C1QTNF3: variants seen among roughly 807,000 people sequenced by gnomAD.
The protein encoded by C1QTNF3 is C1q and TNF related 3.
C1QTNF3 carries 26 observed loss-of-function variants against 32.6 expected under a neutral mutation model. That is an observed-to-expected ratio of 0.80 (90% CI 0.58 to 1.11). The LOEUF is 1.11. Ranked by LOEUF, C1QTNF3 falls within the 50% of genes least tolerant of loss-of-function variation. The probability of loss-of-function intolerance (pLI) is 0.00; values close to 1 mark genes in which losing one functional copy is unlikely to be tolerated. For missense variants in C1QTNF3, 362 were observed against 398.2 expected (o/e 0.91, Z 0.77); for synonymous variants, 155 against 146.0 (o/e 1.06, Z -0.44).
the C1QTNF3 span, among the ~76,000 whole-genome samples, chr5:34,239,050 C>G: frequency 4.6e-5 from 7 of 152,184 alleles, no homozygotes; most frequent in Middle Eastern, 3.4e-3. Flanking sequence ...ACTAAACTTC[C>G]TAAGTGAAGA....
At chr5:34,026,327 G>A (rs1191551987) in intron 4 of C1QTNF3, among the ~76,000 whole-genome samples, 1 of 152,052 alleles carries the variant, frequency 6.6e-6, no homozygotes, top group African/African-American at 2.4e-5. Context: ...ACGTGGAAGA[G>A]CAATGCTGAA....
At chr5:34,132,092 G>C in the C1QTNF3 span, among the ~76,000 whole-genome samples, 2 of 152,048 alleles carry the variant, frequency 1.3e-5, no homozygotes, top group Non-Finnish European at 2.9e-5. Context: ...TGAATATTAA[G>C]AATAGTGTAG....
the C1QTNF3 span, chr5:34,190,618 A>G: frequency 1.4e-6 from 1 of 716,420 alleles, no homozygotes; most frequent in South Asian, 1.5e-5. Flanking sequence ...CCAGGCCTCT[A>G]GGCCCCGTAG....
At chr5:34,207,812 G>C in the C1QTNF3 span, among the ~76,000 whole-genome samples, 8 of 150,012 alleles carry the variant, frequency 5.3e-5, no homozygotes, top group Non-Finnish European at 8.9e-5. Context: ...TTTTGAGACA[G>C]AGTCTCACTC....
the C1QTNF3 span, among the ~76,000 whole-genome samples, chr5:34,062,639 T>C: frequency 6.6e-6 from 1 of 152,164 alleles, no homozygotes; most frequent in Non-Finnish European, 1.5e-5. Flanking sequence ...TGAATACCCA[T>C]TGTGGTTTTT....
chr5:34,158,787 A>AT, the C1QTNF3 span: 2 of 152,060 alleles, frequency 1.3e-5, no homozygotes, highest in Non-Finnish European at 2.9e-5. Context: ...TTATTTGAAT[A>AT]TTTTTTCTGT....
chr5:34,133,600 T>G, the C1QTNF3 span, among the ~76,000 whole-genome samples: 2 of 152,178 alleles, frequency 1.3e-5, no homozygotes, highest in African/African-American at 2.4e-5. Context: ...AGAGATTTAG[T>G]GTCTAGTTAC....
At chr5:34,173,768 T>G in the C1QTNF3 span, among the ~76,000 whole-genome samples, 1 of 145,538 alleles carries the variant, frequency 6.9e-6, no homozygotes, top group African/African-American at 2.6e-5. Context: ...TAGCATATTA[T>G]CTCATTTTGA....
At chr5:34,137,647 C>G in the C1QTNF3 span, among the ~76,000 whole-genome samples, 2 of 152,240 alleles carry the variant, frequency 1.3e-5, no homozygotes, top group African/African-American at 4.8e-5. Context: ...TAAAAGTACA[C>G]TAAAATTCAT....
chr5:34,166,777 T>A, the C1QTNF3 span: 1 of 131,828 alleles, frequency 7.6e-6, no homozygotes, highest in Non-Finnish European at 1.7e-5. Flanking sequence ...ATTACACTTC[T>A]GATGATCATT....
the C1QTNF3 span, among the ~76,000 whole-genome samples, chr5:34,081,044 C>G: frequency 6.6e-6 from 1 of 151,704 alleles, no homozygotes; most frequent in Non-Finnish European, 1.5e-5. Flanking sequence ...CTCAACCTGC[C>G]TCTTTCCTTT....
chr5:34,044,750 C>T (rs138974558), upstream of C1QTNF3, among the ~76,000 whole-genome samples: 2 of 152,278 alleles, frequency 1.3e-5, no homozygotes, highest in African/African-American at 4.8e-5. Flanking sequence ...TCAGTCCAAG[C>T]AGTCAGTTCC....
the C1QTNF3 span, among the ~76,000 whole-genome samples, chr5:34,203,299 G>C: frequency 6.6e-6 from 1 of 152,164 alleles, no homozygotes; most frequent in Middle Eastern, 3.4e-3. Flanking sequence ...AAAACAAGTA[G>C]AAAACAAATA....
At chr5:34,027,590 C>A (rs929043780) in intron 4 of C1QTNF3, among the ~76,000 whole-genome samples, 3 of 152,018 alleles carry the variant, frequency 2.0e-5, no homozygotes, top group African/African-American at 7.2e-5. Context: ...CCCAGCTACT[C>A]AGGAGGCTGA....
At chr5:34,141,100 A>T in the C1QTNF3 span, among the ~76,000 whole-genome samples, 1 of 151,926 alleles carries the variant, frequency 6.6e-6, no homozygotes, top group Admixed American at 6.6e-5. Flanking sequence ...TCTAAGATGA[A>T]TGTGTTGGCA....
chr5:34,025,200 T>G (rs566816887), intron 4 of C1QTNF3, among the ~76,000 whole-genome samples: 2 of 152,310 alleles, frequency 1.3e-5, no homozygotes, highest in South Asian at 4.1e-4. Flanking sequence ...AGATAAAAAT[T>G]AAAAGCCTCA....
the C1QTNF3 span, chr5:34,124,614 A>G: frequency 7.6e-6 from 4 of 528,110 alleles, no homozygotes; most frequent in East Asian, 9.8e-5. Context: ...ATCCACCCCC[A>G]TGATCCAATC....
the C1QTNF3 span, among the ~76,000 whole-genome samples, chr5:34,213,810 T>TATATACATATATATATA: frequency 7.3e-5 from 1 of 13,660 alleles, no homozygotes; most frequent in Non-Finnish European, 1.4e-4. Context: ...TATATATATA[T>TATATACATATATATATA]TTTTTTTTTT....
the C1QTNF3 span, among the ~76,000 whole-genome samples, chr5:34,107,614 C>T: frequency 6.6e-6 from 1 of 151,636 alleles, no homozygotes; most frequent in African/African-American, 2.4e-5. Flanking sequence ...CAATCATAAA[C>T]TAAGAAAAAA....
Sources: gnomAD v4.1 joint callset for allele counts (sites outside exome capture counted in the v4.1 genomes callset) on GRCh38, gnomAD v4.1.1 for gene constraint, MANE v1.5 for transcripts, NCBI Gene and HGNC (gene_info 2026-07-23, HGNC 2026-07-21) for gene names.